Variants in RSF1 observed in about 807,000 individuals in gnomAD.
RSF1 encodes HBV pX-associated protein 8.
In RSF1, 13 loss-of-function variants were observed where a neutral mutation model predicts 145.2. The ratio of observed to expected loss-of-function variants is 0.09; its 90% CI spans 0.06 to 0.14. RSF1 has a LOEUF of 0.14. Among genes scored for constraint, RSF1 ranks in the 10% least tolerant of loss-of-function variants. The pLI, the probability that RSF1 is intolerant of heterozygous loss-of-function variation, is 1.00. For synonymous variants in RSF1, 577 were observed against 592.6 expected (o/e 0.97, Z 0.38); for missense variants, 1,517 against 1,718.2 (o/e 0.88, Z 2.07).
intron 9 of RSF1, chr11:77,690,875 G>A (rs1215520353): frequency 2.5e-6 from 1 of 407,882 alleles, no homozygotes; most frequent in South Asian, 3.6e-5. Flanking sequence ...ACAAACAAAT[G>A]AGCAAGGTTG....
intron 1 of RSF1, among the ~76,000 whole-genome samples, chr11:77,789,145 C>T (rs1453447836): frequency 6.6e-6 from 1 of 152,118 alleles, no homozygotes; most frequent in Non-Finnish European, 1.5e-5. Context: ...GAGAAACTCC[C>T]CAATGTGTTA....
chr11:77,802,686 G>C (rs1171175764), intron 1 of RSF1, among the ~76,000 whole-genome samples: 1 of 152,108 alleles, frequency 6.6e-6, no homozygotes, highest in East Asian at 1.9e-4. Flanking sequence ...TGGGATTACA[G>C]GCACGCACCA....
intron 1 of RSF1, among the ~76,000 whole-genome samples, chr11:77,779,545 G>T (rs1225860946): frequency 2.0e-5 from 3 of 151,886 alleles, no homozygotes; most frequent in African/African-American, 7.3e-5. Flanking sequence ...ACCACGCCTG[G>T]CTAATTTTGT....
At chr11:77,737,034 G>A (rs532793908) in intron 4 of RSF1, among the ~76,000 whole-genome samples, 10 of 152,244 alleles carry the variant, frequency 6.6e-5, no homozygotes, top group East Asian at 3.9e-4. Flanking sequence ...ATATTTCTGC[G>A]TTATTTGGGC....
chr11:77,676,479 C>A (rs1959705269), intron 13 of RSF1, among the ~76,000 whole-genome samples: 1 of 152,068 alleles, frequency 6.6e-6, no homozygotes, highest in Non-Finnish European at 1.5e-5. Context: ...ACTGGAAACC[C>A]CTCATGGACC....
At chr11:77,698,870 T>C (rs1042259885) in intron 6 of RSF1, among the ~76,000 whole-genome samples, 177 bp from the exon 7 acceptor site, 1 of 152,230 alleles carries the variant, frequency 6.6e-6, no homozygotes, top group Non-Finnish European at 1.5e-5. Context: ...ATATTTCCAC[T>C]ATTTTTTCTA....
chr11:77,862,991 G>A, the RSF1 span, among the ~76,000 whole-genome samples: 6 of 152,054 alleles, frequency 3.9e-5, no homozygotes, highest in East Asian at 1.9e-4. Context: ...AAATGTTACC[G>A]GGGGGTCCTT....
chr11:77,717,221 AT>A (rs1264932308), intron 5 of RSF1, among the ~76,000 whole-genome samples: 4 of 151,732 alleles, frequency 2.6e-5, no homozygotes, highest in Non-Finnish European at 5.9e-5. Flanking sequence ...GAATAAAAAA[AT>A]AATATAAATA....
chr11:77,830,660 G>A, the RSF1 span, among the ~76,000 whole-genome samples: 16 of 151,914 alleles, frequency 1.1e-4, no homozygotes, highest in Non-Finnish European at 1.5e-4. Context: ...CCATAGGTCC[G>A]TGTGGGTTAC....
intron 1 of RSF1, among the ~76,000 whole-genome samples, chr11:77,777,163 T>A (rs537588360): frequency 6.6e-6 from 1 of 152,222 alleles, no homozygotes; most frequent in East Asian, 1.9e-4. Context: ...CATCCATAAA[T>A]ACTTCAGTGT....
chr11:77,787,246 T>A (rs1948466090), intron 1 of RSF1, among the ~76,000 whole-genome samples: 2 of 152,150 alleles, frequency 1.3e-5, no homozygotes. Context: ...ATGGAAAAGC[T>A]CATCTTTTGG....
chr11:77,777,012 A>G (rs1948348938), intron 1 of RSF1, among the ~76,000 whole-genome samples: 1 of 152,180 alleles, frequency 6.6e-6, no homozygotes, highest in Admixed American at 6.5e-5. Flanking sequence ...ACCATTTTTT[A>G]AAAAAACAAA....
chr11:77,752,667 C>T (rs910406833), intron 2 of RSF1, among the ~76,000 whole-genome samples: 2 of 152,044 alleles, frequency 1.3e-5, no homozygotes, highest in African/African-American at 4.8e-5. Flanking sequence ...AGACAATAAA[C>T]CTTGGATGTC....
intron 10 of RSF1, among the ~76,000 whole-genome samples, chr11:77,684,767 C>T (rs531773814): frequency 5.9e-5 from 9 of 152,236 alleles, no homozygotes; most frequent in Non-Finnish European, 8.8e-5. Flanking sequence ...ACAGGCAGAT[C>T]ACCTGAGGTC....
chr11:77,780,599 G>A (rs528897988), intron 1 of RSF1, among the ~76,000 whole-genome samples: 388 of 152,276 alleles, frequency 2.5e-3, no homozygotes, highest in African/African-American at 8.2e-3. Context: ...GCCAAGGTGG[G>A]CGAATCACTG....
chr11:77,747,957 T>C (rs1565168680), intron 2 of RSF1, among the ~76,000 whole-genome samples: 1 of 152,094 alleles, frequency 6.6e-6, no homozygotes, highest in East Asian at 1.9e-4. Context: ...TTTCTTGCAA[T>C]TCAAGGAGCA....
chr11:77,781,105 T>TC (rs1948398943), intron 1 of RSF1, among the ~76,000 whole-genome samples: 1 of 102,484 alleles, frequency 9.8e-6, no homozygotes, highest in South Asian at 2.8e-4. Context: ...TTGAATTGTC[T>TC]TTTTTTTTTG....
intron 12 of RSF1, 37 bp downstream of exon 12, chr11:77,678,049 A>G (rs138686827): frequency 4.9e-5 from 75 of 1,527,918 alleles, no homozygotes; most frequent in Non-Finnish European, 6.6e-5. Context: ...ACTTCTTGGC[A>G]GAGTTCTATG....
chr11:77,729,054 G>A (rs1219373572), intron 4 of RSF1, among the ~76,000 whole-genome samples: 1 of 152,100 alleles, frequency 6.6e-6, no homozygotes, highest in Non-Finnish European at 1.5e-5. Context: ...CCAAGGTTTT[G>A]GGCCTTAGGG....
Sources: gnomAD v4.1 joint callset for allele counts (sites outside exome capture counted in the v4.1 genomes callset) on GRCh38, gnomAD v4.1.1 for gene constraint, MANE v1.5 for transcripts, NCBI Gene and HGNC (gene_info 2026-07-23, HGNC 2026-07-21) for gene names.